TMEM132C: variants seen among roughly 807,000 people sequenced by gnomAD.
TMEM132C encodes transmembrane protein 132C.
TMEM132C carries 29 observed loss-of-function variants against 61.4 expected under a neutral mutation model. That is an observed-to-expected ratio of 0.47 (90% CI 0.35 to 0.64). The LOEUF (loss-of-function observed/expected upper bound fraction) is 0.64, where lower values mean the gene tolerates loss of function less well. Ranked by LOEUF, TMEM132C falls within the 30% of genes least tolerant of loss-of-function variation. The probability of loss-of-function intolerance (pLI) is 0.00; values close to 1 mark genes in which losing one functional copy is unlikely to be tolerated. For missense variants in TMEM132C, 1,408 were observed against 1,476.9 expected (o/e 0.95, Z 0.76); for synonymous variants, 656 against 633.1 (o/e 1.04, Z -0.54).
intron 5 of TMEM132C, among the ~76,000 whole-genome samples, chr12:128,690,505 A>G (rs1273566543): frequency 1.3e-5 from 2 of 152,112 alleles, no homozygotes; most frequent in African/African-American, 4.8e-5. Context: ...TTAATTATTT[A>G]TATATTCGGG....
intron 8 of TMEM132C, among the ~76,000 whole-genome samples, chr12:128,700,537 T>G (rs1382332599): frequency 6.6e-6 from 1 of 152,176 alleles, no homozygotes; most frequent in Non-Finnish European, 1.5e-5. Context: ...AGAGGAAATG[T>G]CAGCCACGAT....
chr12:128,585,245 G>T (rs1394113680), intron 3 of TMEM132C, among the ~76,000 whole-genome samples: 1 of 152,238 alleles, frequency 6.6e-6, no homozygotes, highest in African/African-American at 2.4e-5. Flanking sequence ...GCCATCTCTG[G>T]ATAGTGGTTT....
chr12:128,282,769 G>A (rs144615308), intron 1 of TMEM132C, among the ~76,000 whole-genome samples: 2,870 of 152,196 alleles, frequency 0.019, 52 homozygotes, highest in South Asian at 0.042. Context: ...TTGACACTGC[G>A]GAAGCTTACC....
Position 128,608,240 on chromosome 12 carries a change from A to G in TMEM132C, c.1122-7912A>G, listed in dbSNP as rs533633873. 9.2e-5 allele frequency among the ~76,000 whole-genome samples: 14 copies of G among 152,316 alleles called. No homozygotes were observed. In the South Asian group the frequency reaches 1.2e-3, roughly 14 times the overall value. On this transcript the variant is annotated intron_variant, in intron 3 of 8. Transcript: ENST00000435159. ...GCTCTACACATGTGCTGTGCCATTT[A>G]TCCTTGCAACAAACAGCCTCACAAG...
At chr12:128,518,756 GGTGT>G (rs935793530) in intron 2 of TMEM132C, among the ~76,000 whole-genome samples, 11 of 149,964 alleles carry the variant, frequency 7.3e-5, no homozygotes, top group South Asian at 2.1e-4. Context: ...GTGTGTGTGT[GGTGT>G]GTGTGTGTGT....
rs1263222485 is a variant in TMEM132C, at chr12:128,630,555, G to T, written c.1305+14220G>T. Among the ~76,000 whole-genome samples, 1 of 152,094 alleles carries T rather than the reference G, an allele frequency of 6.6e-6. No individual in the cohort carries two copies. Among genetic ancestry groups the T allele is most frequent in the Non-Finnish European group, 1.5e-5 (1 of 68,026 alleles). On this transcript the variant is annotated intron_variant, in intron 4 of 8. Transcript: ENST00000435159. This position sits in a 1 kb window ranked among gnomAD's most constrained non-coding sequence, Gnocchi z 4.3. ...CTGAGCTTTCCCCACTCCCTTTGCA[G>T]TCTCATCTCTGCCAGACACGATGCT... is the stretch of plus-strand genomic sequence containing the variant.
intron 2 of TMEM132C, among the ~76,000 whole-genome samples, chr12:128,531,618 T>C (rs117162334): frequency 0.04 from 6,042 of 152,340 alleles, 227 homozygotes; most frequent in East Asian, 0.15. Context: ...CTCACATGCA[T>C]GCACATACAC....
chr12:128,636,900 G>T (rs139063295), intron 4 of TMEM132C, among the ~76,000 whole-genome samples: 2 of 152,018 alleles, frequency 1.3e-5, no homozygotes, highest in African/African-American at 4.8e-5. Context: ...CATAGTATAG[G>T]GTCCTCCAGG....
At chr12:128,281,243 T>A (rs1297632748) in intron 1 of TMEM132C, among the ~76,000 whole-genome samples, 5 of 152,014 alleles carry the variant, frequency 3.3e-5, no homozygotes, top group Non-Finnish European at 5.9e-5. Flanking sequence ...AGAGGCAAAA[T>A]GAGATAGATA....
chr12:128,513,517 G>T (rs1309557396), intron 2 of TMEM132C, among the ~76,000 whole-genome samples: 1 of 152,144 alleles, frequency 6.6e-6, no homozygotes, highest in African/African-American at 2.4e-5. Flanking sequence ...CAGAGTCTTA[G>T]CCATGGGGCC....
chr12:128,397,000 C>T (rs1190980540), intron 1 of TMEM132C, among the ~76,000 whole-genome samples: 1 of 152,188 alleles, frequency 6.6e-6, no homozygotes, highest in Non-Finnish European at 1.5e-5. Context: ...AGGTTAGCCA[C>T]TGACCAGGGA....
In TMEM132C at chr12:128,584,854, C is replaced by T. The variant is rs116055105; in HGVS notation, c.1122-31298C>T. 5.0e-3 allele frequency among the ~76,000 whole-genome samples: 756 copies of T among 152,318 alleles called. 4 individuals are homozygous for T. The highest frequency in any genetic ancestry group is 0.017 in the African/African-American group (720 of 41,576). The stretch of plus-strand genomic sequence containing the variant: ...GTCCCCACAGGCAGCTTCCACTCCT[C>T]CCACCATGGTGGCCTCGGGGCAGTT... On this transcript the variant is annotated intron_variant, in intron 3 of 8. Coordinates refer to ENST00000435159, the MANE Select transcript of TMEM132C (RefSeq NM_001136103.3).
chr12:128,324,255 A>C (rs2135938260), intron 1 of TMEM132C, among the ~76,000 whole-genome samples: 1 of 152,304 alleles, frequency 6.6e-6, no homozygotes, highest in African/African-American at 2.4e-5. Context: ...GGGAATGCTT[A>C]TGGTCAAATT....
In TMEM132C at chr12:128,309,017, G is replaced by A. The variant is rs554669830; in HGVS notation, c.85+41530G>A. The stretch of plus-strand genomic sequence containing the variant: ...GGGAGTTTTTGGGGATATTTGGGGT[G>A]TCTGTGATGACAGAAAGTAGAGGAG... On this transcript the variant is annotated intron_variant, in intron 1 of 8. Transcript: ENST00000435159. Among the ~76,000 whole-genome samples, 6 of 152,022 alleles carry A rather than the reference G, an allele frequency of 3.9e-5. No homozygotes were observed. The South Asian group carries it at 8.3e-4, about 21-fold the overall frequency.
chr12:128,548,145 A>G (rs902335272), intron 3 of TMEM132C, among the ~76,000 whole-genome samples: 8 of 152,160 alleles, frequency 5.3e-5, no homozygotes, highest in African/African-American at 1.9e-4. Flanking sequence ...AAGTCATTCT[A>G]GTCAATAAGT....
chr12:128,684,299 G>A (rs1954657646), intron 5 of TMEM132C, among the ~76,000 whole-genome samples: 1 of 139,372 alleles, frequency 7.2e-6, no homozygotes, highest in Non-Finnish European at 1.5e-5. Context: ...AAGAATCCTG[G>A]TTTCATAGAT....
At chr12:128,323,248 A>G (rs565375443) in intron 1 of TMEM132C, among the ~76,000 whole-genome samples, 1 of 152,356 alleles carries the variant, frequency 6.6e-6, no homozygotes, top group South Asian at 2.1e-4. Context: ...GAATTCTATC[A>G]GTTAAAAGCA....
chr12:128,692,791 G>C (rs527618842), intron 5 of TMEM132C, among the ~76,000 whole-genome samples: 2 of 152,192 alleles, frequency 1.3e-5, no homozygotes, highest in African/African-American at 4.8e-5. Context: ...CTGGTAGATA[G>C]AGTCATATTT....
At chr12:128,694,359 AAGTC>A (rs1674528448) in intron 6 of TMEM132C, among the ~76,000 whole-genome samples, 1 of 152,244 alleles carries the variant, frequency 6.6e-6, no homozygotes, top group African/African-American at 2.4e-5. Flanking sequence ...CTCCAAAAAA[AAGTC>A]AGTCCTTTCC....
Sources: allele counts gnomAD v4.1 joint callset (sites outside exome capture counted in the v4.1 genomes callset), GRCh38; gene constraint gnomAD v4.1.1; non-coding constraint Gnocchi (gnomAD v3.1); transcripts MANE v1.5; gene names NCBI Gene and HGNC (gene_info 2026-07-23, HGNC 2026-07-21).